DSCAM: variants seen among roughly 807,000 people sequenced by gnomAD.
DSCAM encodes the protein cell adhesion molecule DSCAM.
A neutral mutation model predicts 217.7 loss-of-function variants in DSCAM; 47 were observed. The observed-to-expected ratio is 0.22, with a 90% CI of 0.17 to 0.28. DSCAM has a LOEUF of 0.28. Among genes scored for constraint, DSCAM ranks in the 10% least tolerant of loss-of-function variants. DSCAM has a pLI of 1.00. For missense variants in DSCAM, 2,080 were observed against 2,618.3 expected (o/e 0.79, Z 4.49); for synonymous variants, 1,056 against 1,015.3 (o/e 1.04, Z -0.76).
intron 32 of DSCAM, among the ~76,000 whole-genome samples, chr21:40,040,993 T>G (rs2088737963): frequency 6.6e-6 from 1 of 151,774 alleles, no homozygotes; most frequent in South Asian, 2.1e-4. Flanking sequence ...CCTAAGGAGG[T>G]AGACAGAATG....
At chr21:40,376,504 T>A (rs1356935476) in intron 3 of DSCAM, among the ~76,000 whole-genome samples, 1 of 112,702 alleles carries the variant, frequency 8.9e-6, no homozygotes, top group South Asian at 3.0e-4. Context: ...TCTATATATC[T>A]TATATCGATA....
At chr21:40,029,705 G>A (rs1220564068) in intron 32 of DSCAM, among the ~76,000 whole-genome samples, 2 of 152,128 alleles carry the variant, frequency 1.3e-5, no homozygotes, top group African/African-American at 4.8e-5. Flanking sequence ...TTTTGACCAT[G>A]CTGTTTTCCC....
chr21:40,723,386 A>G (rs1280415796), intron 1 of DSCAM, among the ~76,000 whole-genome samples: 2 of 152,114 alleles, frequency 1.3e-5, no homozygotes, highest in African/African-American at 2.4e-5. Context: ...CTAAACACCA[A>G]TTCCTTAGAA....
At chr21:40,122,607 C>T (rs77547608) in intron 20 of DSCAM, among the ~76,000 whole-genome samples, 2,596 of 152,222 alleles carry the variant, frequency 0.017, 76 homozygotes, top group African/African-American at 0.059. Context: ...TCAGTGTCTA[C>T]GCTGCTCTCC....
intron 3 of DSCAM, among the ~76,000 whole-genome samples, chr21:40,593,319 T>C (rs1355145737): frequency 4.7e-5 from 4 of 84,346 alleles, no homozygotes; most frequent in Non-Finnish European, 9.7e-5. Flanking sequence ...ATGATGTTTC[T>C]CTTTTTTTTT....
chr21:40,582,542 C>G (rs2076913662), intron 3 of DSCAM, among the ~76,000 whole-genome samples: 1 of 152,016 alleles, frequency 6.6e-6, no homozygotes, highest in Non-Finnish European at 1.5e-5. Flanking sequence ...TAACAATTCC[C>G]AAAAAGTGGT....
intron 3 of DSCAM, among the ~76,000 whole-genome samples, chr21:40,654,458 C>T (rs927552251): frequency 3.3e-5 from 5 of 152,128 alleles, no homozygotes; most frequent in Non-Finnish European, 5.9e-5. Context: ...TTTACAGCTG[C>T]GGTAACAAAT....
chr21:40,040,352 TCCAACAA>T (rs1568906572), intron 32 of DSCAM, among the ~76,000 whole-genome samples: 1 of 152,138 alleles, frequency 6.6e-6, no homozygotes, highest in Non-Finnish European at 1.5e-5. Context: ...TAAGAAACAA[TCCAACAA>T]TATGAGCAGC....
intron 3 of DSCAM, among the ~76,000 whole-genome samples, chr21:40,453,045 T>C (rs2075733591): frequency 6.6e-5 from 2 of 30,174 alleles, no homozygotes; most frequent in Admixed American, 6.7e-4. Context: ...AGACTTTGTG[T>C]GTGTGTGTGT....
At chr21:40,636,366 TAGAGAG>T (rs1013858794) in intron 3 of DSCAM, among the ~76,000 whole-genome samples, 1 of 151,434 alleles carries the variant, frequency 6.6e-6, no homozygotes, top group Non-Finnish European at 1.5e-5. Context: ...GGTTAAATAT[TAGAGAG>T]AGAGGGAGAG....
chr21:40,617,484 A>T (rs1390370666), intron 3 of DSCAM, among the ~76,000 whole-genome samples: 1 of 151,320 alleles, frequency 6.6e-6, no homozygotes. Flanking sequence ...GCCACAATCT[A>T]CCCCCTCCCA....
chr21:40,491,259 T>G lies in DSCAM; in HGVS notation c.509-122014A>C, dbSNP rs11908825. On this transcript the variant is annotated intron_variant, in intron 3 of 32. Coordinates refer to ENST00000400454, the MANE Select transcript of DSCAM (RefSeq NM_001389.5). ...CAAAATTCTGGGAGGTTATTGGTAA[T>G]TGCTCTCTTTTTTTATCTCATATCT... is the stretch of plus-strand genomic sequence containing the variant. Among the ~76,000 whole-genome samples, 1,327 of 152,258 alleles carry G rather than the reference T, an allele frequency of 8.7e-3. 22 individuals carry two copies. Among genetic ancestry groups the G allele is most frequent in the African/African-American group, 0.03 (1,257 of 41,542 alleles).
chr21:40,529,665 T>G (rs2076427467), intron 3 of DSCAM, among the ~76,000 whole-genome samples: 1 of 152,176 alleles, frequency 6.6e-6, no homozygotes, highest in South Asian at 2.1e-4. Context: ...TAAGTATTTT[T>G]AGCTCTTTCC....
At chr21:40,131,235 T>C (rs1476110505) in intron 19 of DSCAM, among the ~76,000 whole-genome samples, 3 of 152,222 alleles carry the variant, frequency 2.0e-5, no homozygotes, top group African/African-American at 7.2e-5. Context: ...TTGTCCCTTC[T>C]TCCAATCAGA....
chr21:40,344,181 G>C (rs1180700292), intron 6 of DSCAM, among the ~76,000 whole-genome samples: 1 of 152,162 alleles, frequency 6.6e-6, no homozygotes, highest in Non-Finnish European at 1.5e-5. Context: ...TTACAGGCGT[G>C]AGCGACAGCA....
intron 3 of DSCAM, among the ~76,000 whole-genome samples, chr21:40,448,488 G>A (rs1031038337): frequency 1.3e-5 from 2 of 152,108 alleles, no homozygotes; most frequent in African/African-American, 4.8e-5. Flanking sequence ...CTCAAATCTT[G>A]AGACTCAGGC....
At chr21:40,184,964 A>G (rs2090877480) in intron 14 of DSCAM, among the ~76,000 whole-genome samples, 1 of 152,122 alleles carries the variant, frequency 6.6e-6, no homozygotes, top group Non-Finnish European at 1.5e-5. Context: ...GGCGTTTTCA[A>G]TGTCTTCCCT....
chr21:40,439,969 C>T (rs547738020), intron 3 of DSCAM, among the ~76,000 whole-genome samples: 4 of 152,296 alleles, frequency 2.6e-5, no homozygotes, highest in African/African-American at 9.6e-5. Flanking sequence ...CTTCTGGACC[C>T]CTTCCCAATG....
intron 3 of DSCAM, among the ~76,000 whole-genome samples, chr21:40,471,942 G>C (rs866101232): frequency 6.6e-6 from 1 of 151,648 alleles, no homozygotes; most frequent in Non-Finnish European, 1.5e-5. Context: ...ATTCCTCCCC[G>C]TTCTCCCCAT....
Sources: allele counts gnomAD v4.1 joint callset (sites outside exome capture counted in the v4.1 genomes callset), GRCh38; gene constraint gnomAD v4.1.1; transcripts MANE v1.5; gene names NCBI Gene and HGNC (gene_info 2026-07-23, HGNC 2026-07-21).